PINK1: variants seen among roughly 807,000 people sequenced by gnomAD.
PINK1 encodes the protein serine/threonine-protein kinase PINK1, mitochondrial.
Under a neutral mutation model 56.0 loss-of-function variants are expected in PINK1, and 58 were observed. The observed-to-expected ratio is 1.04, with a 90% CI of 0.84 to 1.29. The LOEUF is 1.29. Ranked by LOEUF, PINK1 falls within the 50% of genes most tolerant of loss-of-function variation. The pLI is 0.00. For missense variants in PINK1, 745 were observed against 777.9 expected, an observed-to-expected ratio of 0.96 and a Z score of 0.50; for synonymous variants, 354 against 339.3, an observed-to-expected ratio of 1.04 and a Z score of -0.48.
chr1:20,644,602 G>C lies in PINK1; in HGVS notation c.889G>C (p.Asp297His). The change falls in exon 4 of 8, where the codon GAT (aspartate) becomes CAT (histidine). Residue 297 changes from aspartate to histidine, a missense_variant. Transcript: ENST00000321556. ...GCCAGGGGCCCTGGTCGACTACCCT[G>C]ATGTGCTGCCCTCACGCCTCCACCC... ...LLPGALVDYP[D>H]VLPSRLHPEG... 3 of 1,614,228 alleles carry C rather than the reference G, an allele frequency of 1.9e-6. No homozygotes were observed. The highest frequency in any genetic ancestry group is 2.5e-6 in the Non-Finnish European group (3 of 1,180,050).
rs114951230 is a variant in PINK1 at position 20,637,021 on chromosome 1, G to A, written c.388-821G>A. Among the ~76,000 whole-genome samples, 756 of 152,332 alleles carry A rather than the reference G, an allele frequency of 5.0e-3. 5 individuals carry two copies. The highest frequency in any genetic ancestry group is 0.017 in the African/African-American group (699 of 41,568). On this transcript the variant is annotated intron_variant, in intron 1 of 7. Coordinates refer to ENST00000321556, the MANE Select transcript of PINK1 (RefSeq NM_032409.3). Reference sequence around the variant, plus strand: ...ATGTGGCTCAGAGCAGGGAAGGCACGGCACTGAGAGTGGGGTAGTCTAGAG... The same window carrying A: ...ATGTGGCTCAGAGCAGGGAAGGCACAGCACTGAGAGTGGGGTAGTCTAGAG...
At position 20,645,655 on chromosome 1, in the gene PINK1, ATCTGG is replaced by A. The variant is rs1469644209; in HGVS notation, c.1057_1061del (p.Leu353SerfsTer37). ...CTGCAGCTGCTGGAAGGCGTGGACC[ATCTGG>A]TTCAACAGGGCATCGCGCACAGAGA... On this transcript the variant is annotated frameshift_variant, in exon 5 of 8. Transcript: ENST00000321556. LOFTEE classifies it high-confidence loss of function. 6.2e-7 allele frequency: 1 copy of A among 1,614,092 alleles called. No individual in the cohort carries two copies. Among genetic ancestry groups the A allele is most frequent in the Admixed American group, 1.7e-5 (1 of 59,984 alleles).
At chr1:20,646,921 C>T (rs543779045) in intron 5 of PINK1, among the ~76,000 whole-genome samples, 2 of 151,728 alleles carry the variant, frequency 1.3e-5, no homozygotes, top group African/African-American at 2.4e-5. Flanking sequence ...GCTTTGTTGC[C>T]CAGGCTGGAG....
At chr1:20,635,325 A>C (rs1386373775) in intron 1 of PINK1, among the ~76,000 whole-genome samples, 1 of 151,578 alleles carries the variant, frequency 6.6e-6, no homozygotes, top group Non-Finnish European at 1.5e-5. Flanking sequence ...ACATGGTGGA[A>C]CCCTGTCTCT....
intron 3 of PINK1, among the ~76,000 whole-genome samples, chr1:20,640,509 C>T (rs1204277088): frequency 1.3e-5 from 2 of 152,038 alleles, no homozygotes; most frequent in African/African-American, 2.4e-5. Context: ...CCAGGGGAGG[C>T]GTGTGCTGCA....
At chr1:20,649,352 G>A (rs1570408199) in intron 7 of PINK1, 121 bp downstream of exon 7, 1 of 1,076,816 alleles carries the variant, frequency 9.3e-7, no homozygotes, top group Non-Finnish European at 1.4e-6. Context: ...GGAAGGTAAA[G>A]GCTAGTTACA....
At chr1:20,638,271 C>T in intron 2 of PINK1, 142 bp downstream of exon 2, 1 of 915,998 alleles carries the variant, frequency 1.1e-6, no homozygotes, top group Admixed American at 2.5e-5. Flanking sequence ...AGGTTACCTC[C>T]CCCTGTTACA....
In PINK1 at chr1:20,645,542, C is replaced by T. The variant is rs760248764; in HGVS notation, c.960-18C>T. The T allele has an allele frequency of 6.2e-7, 1 of 1,612,132 alleles. No individual in the cohort carries two copies. The highest frequency in any genetic ancestry group is 1.3e-5 in the African/African-American group (1 of 74,796). On this transcript the variant is annotated intron_variant, in intron 4 of 7. Coordinates refer to ENST00000321556, the MANE Select transcript of PINK1 (RefSeq NM_032409.3). ...CGTCGATGTGTGGTAGCCAGAGGCCCTCTCCCCTCTCCGCCAGCTATCCCT... is the reference window on the plus strand; with the variant it reads ...CGTCGATGTGTGGTAGCCAGAGGCCTTCTCCCCTCTCCGCCAGCTATCCCT...
chr1:20,646,855 A>ATTATTTAT (rs1313077213), intron 5 of PINK1, among the ~76,000 whole-genome samples: 3 of 110,680 alleles, frequency 2.7e-5, no homozygotes, highest in South Asian at 3.3e-4. Flanking sequence ...ACTGGCTTTT[A>ATTATTTAT]TTATTTCTTT....
chr1:20,636,328 T>C (rs1557560613), intron 1 of PINK1, among the ~76,000 whole-genome samples: 1 of 151,504 alleles, frequency 6.6e-6, no homozygotes, highest in Non-Finnish European at 1.5e-5. Context: ...TCCATGAAGT[T>C]TATAAGGGAA....
Position 20,650,957 on chromosome 1 carries a change from A to AG in PINK1, c.*267dup. The AG allele has an allele frequency of 2.0e-6, 1 of 509,042 alleles. No individual in the cohort carries two copies. The highest frequency in any genetic ancestry group is 3.6e-6 in the Non-Finnish European group (1 of 279,494). 31.5% of individuals were successfully genotyped at this position (509,042 alleles called of 1,614,324 possible). A position where few individuals can be genotyped will look rare whatever the true frequency, so the allele number is the denominator to read the frequency against. ...AGGAGGGGTAGGCCTGCATCCACAG[A>AG]GAGGATCCAGGCCAAGGCACTGGCT... On this transcript the variant is annotated 3_prime_UTR_variant, in exon 8 of 8. Coordinates refer to ENST00000321556, the MANE Select transcript of PINK1 (RefSeq NM_032409.3).
At chr1:20,638,372 G>T in intron 2 of PINK1, 1 of 523,184 alleles carries the variant, frequency 1.9e-6, no homozygotes, top group Non-Finnish European at 3.4e-6. Flanking sequence ...CAGGCCTGGT[G>T]GACCATGCCT....
At chr1:20,634,946 C>G (rs2154533547) in intron 1 of PINK1, among the ~76,000 whole-genome samples, 1 of 152,308 alleles carries the variant, frequency 6.6e-6, no homozygotes, top group Admixed American at 6.5e-5. Context: ...CTCATCACCA[C>G]TGTCTCATGT....
Position 20,650,837 on chromosome 1 carries a change from G to C in PINK1, c.*146G>C. ...GGAAAAGGCCTCGGGCTTGGCAAATGGAAGAACTTGAGTGAGAGTTCAGTC... is the reference window on the plus strand; with the variant it reads ...GGAAAAGGCCTCGGGCTTGGCAAATCGAAGAACTTGAGTGAGAGTTCAGTC... On this transcript the variant is annotated 3_prime_UTR_variant, in exon 8 of 8. Coordinates refer to ENST00000321556, the MANE Select transcript of PINK1 (RefSeq NM_032409.3). The C allele has an allele frequency of 9.3e-7, 1 of 1,073,084 alleles. No homozygotes were observed. Among genetic ancestry groups the C allele is most frequent in the South Asian group, 1.4e-5 (1 of 70,632 alleles). 66.5% of individuals were successfully genotyped at this position (1,073,084 alleles called of 1,614,324 possible). A position where few individuals can be genotyped will look rare whatever the true frequency, so the allele number is the denominator to read the frequency against.
chr1:20,644,256 G>A (rs1265296723), intron 3 of PINK1, among the ~76,000 whole-genome samples: 3 of 152,180 alleles, frequency 2.0e-5, no homozygotes, highest in Admixed American at 1.3e-4. Flanking sequence ...ATGGGTGTAC[G>A]GATGGACGGA....
chr1:20,639,805 C>A, intron 2 of PINK1, 87 bp from the exon 3 acceptor site: 1 of 1,239,688 alleles, frequency 8.1e-7, no homozygotes, highest in Non-Finnish European at 1.1e-6. Flanking sequence ...CAGTAGCTGC[C>A]CTGCTCCAGG....
rs11379920 is a variant in PINK1 at position 20,645,487 on chromosome 1, CA to C, written c.960-56del. ...TTGGCGACAGAGTGAGACTCCATCTCAAAAAAAAAAAAAAAAACGTATTGGG... is the reference window on the plus strand; with the variant it reads ...TTGGCGACAGAGTGAGACTCCATCTCAAAAAAAAAAAAAAAACGTATTGGG... On this transcript the variant is annotated intron_variant, in intron 4 of 7. Transcript: ENST00000321556. 0.02 allele frequency: 21,845 copies of C among 1,103,664 alleles called. 18 individuals carry two copies. Among genetic ancestry groups the C allele is most frequent in the African/African-American group, 0.05 (2,554 of 50,824 alleles). The allele number at this position is 1,103,664 out of a possible 1,614,324, so 68.4% of individuals were successfully genotyped here.
In PINK1 at chr1:20,644,649, G is replaced by A. The variant is rs56200357; in HGVS notation, c.936G>A (p.Arg312=). ...RLHPEGLGHG[R]TLFLVMKNYP... ...ACCCTGAAGGCCTGGGCCATGGCCG[G>A]ACGCTGTTCCTCGTTATGAAGAAGT... Residue 312 remains arginine (R), a synonymous_variant, in exon 4 of 8, where the codon CGG becomes CGA. Coordinates refer to ENST00000321556, the MANE Select transcript of PINK1 (RefSeq NM_032409.3). 1,203 of 1,614,226 alleles carry A rather than the reference G, an allele frequency of 7.5e-4. 7 individuals are homozygous for A. Among genetic ancestry groups the A allele is most frequent in the Admixed American group, 3.8e-3 (228 of 60,030 alleles).
At position 20,651,245 on chromosome 1, in the gene PINK1, A is replaced by AC. The variant is rs896895231; in HGVS notation, c.*555dup. On this transcript the variant is annotated 3_prime_UTR_variant, in exon 8 of 8. Coordinates refer to ENST00000321556, the MANE Select transcript of PINK1 (RefSeq NM_032409.3). The stretch of plus-strand genomic sequence containing the variant: ...TAAGTAAGTAAGTGTGGGGATTTAA[A>AC]CTTGAGGGTTTCCCTCCTGACTAGC... The AC allele has an allele frequency of 5.9e-6, 1 of 169,488 alleles. No individual in the cohort carries two copies. The highest frequency in any genetic ancestry group is 2.4e-5 in the African/African-American group (1 of 41,788). The allele number at this position is 169,488 out of a possible 1,614,324, so 10.5% of individuals were successfully genotyped here. A position where few individuals can be genotyped will look rare whatever the true frequency, so the allele number is the denominator to read the frequency against.
Sources: gnomAD v4.1 joint callset for allele counts (sites outside exome capture counted in the v4.1 genomes callset) on GRCh38, gnomAD v4.1.1 for gene constraint, MANE v1.5 for transcripts, NCBI Gene and HGNC (gene_info 2026-07-23, HGNC 2026-07-21) for gene names.